Variants in PTCHD4 observed in about 807,000 individuals in gnomAD.
PTCHD4 encodes the protein patched domain containing 4.
Under a neutral mutation model 58.1 loss-of-function variants are expected in PTCHD4, and 33 were observed. The observed-to-expected ratio is 0.57, with a 90% confidence interval of 0.43 to 0.76. The LOEUF (loss-of-function observed/expected upper bound fraction) is 0.76, where lower values mean the gene tolerates loss of function less well. Ranked by LOEUF, PTCHD4 falls within the 30% of genes least tolerant of loss-of-function variation. The pLI, the probability that PTCHD4 is intolerant of heterozygous loss-of-function variation, is 0.00. For synonymous variants in PTCHD4, 478 were observed against 409.6 expected (o/e 1.17, Z -2.02); for missense variants, 1,058 against 1,027.1 (o/e 1.03, Z -0.41).
chr6:47,895,472 CACTG>C (rs1363852974), intron 4 of PTCHD4, among the ~76,000 whole-genome samples: 2 of 152,278 alleles, frequency 1.3e-5, no homozygotes, highest in African/African-American at 4.8e-5. Context: ...CTTTGATACT[CACTG>C]AGATTTCTCA....
At chr6:47,988,717 G>A (rs1028132894) in intron 4 of PTCHD4, among the ~76,000 whole-genome samples, 1 of 152,186 alleles carries the variant, frequency 6.6e-6, no homozygotes, top group Admixed American at 6.5e-5. Context: ...TGTGAAAAGT[G>A]CCTTTCATCT....
intron 3 of PTCHD4, among the ~76,000 whole-genome samples, chr6:48,024,365 C>T (rs897062352): frequency 6.6e-6 from 1 of 152,074 alleles, no homozygotes. Flanking sequence ...GTGTCTGTTC[C>T]AGTCCAGGAG....
At position 47,970,746 on chromosome 6, in the gene PTCHD4, T is replaced by C. The variant is rs534510510; in HGVS notation, c.898+37888A>G. ...GATGTATTCCCACTAGGCAGGAAATTGGATTGAGTTTTCTCTAGACAAATG... is the reference window on the plus strand; with the variant it reads ...GATGTATTCCCACTAGGCAGGAAATCGGATTGAGTTTTCTCTAGACAAATG... On this transcript the variant is annotated intron_variant, in intron 4 of 4. Transcript: ENST00000339488. 4.6e-5 allele frequency among the ~76,000 whole-genome samples: 7 copies of C among 152,262 alleles called. No individual in the cohort carries two copies. The East Asian group carries it at 1.3e-3, about 29-fold the overall frequency.
At chr6:48,073,888 G>A (rs1053693674) in intron 1 of PTCHD4, among the ~76,000 whole-genome samples, 2 of 152,130 alleles carry the variant, frequency 1.3e-5, no homozygotes, top group Admixed American at 6.5e-5. Context: ...CAAGGGAGAA[G>A]AGCAGATGAG....
rs1051656196 is a variant in PTCHD4 at position 47,864,629 on chromosome 6, T to C, written c.*13674A>G. On this transcript the variant is annotated 3_prime_UTR_variant, in exon 5 of 5. Transcript: ENST00000339488. ...CTGTGGCTCCAAGTTCCAACTCTTTTACATTTTCTCAAGTTGTTATCTGCT... is the reference window on the plus strand; with the variant it reads ...CTGTGGCTCCAAGTTCCAACTCTTTCACATTTTCTCAAGTTGTTATCTGCT... Among the ~76,000 whole-genome samples the C allele has an allele frequency of 2.6e-5, 4 of 151,918 alleles. No homozygotes were observed. Among genetic ancestry groups the C allele is most frequent in the Admixed American group, 1.3e-4 (2 of 15,234 alleles).
chr6:48,017,917 G>A (rs1384253008), intron 3 of PTCHD4, among the ~76,000 whole-genome samples: 1 of 152,144 alleles, frequency 6.6e-6, no homozygotes, highest in Admixed American at 6.6e-5. Context: ...ACTCAACACT[G>A]ACAAGATGTG....
At chr6:47,989,447 G>A (rs1768201100) in intron 4 of PTCHD4, among the ~76,000 whole-genome samples, 1 of 152,210 alleles carries the variant, frequency 6.6e-6, no homozygotes, top group South Asian at 2.1e-4. Flanking sequence ...AGCCTTTCCT[G>A]TCATAGGCCC....
chr6:47,894,700 A>G lies in PTCHD4; in HGVS notation c.899-14764T>C, dbSNP rs562393601. 3.3e-5 allele frequency among the ~76,000 whole-genome samples: 5 copies of G among 152,378 alleles called. No individual in the cohort carries two copies. The South Asian group carries it at 8.3e-4, about 25-fold the overall frequency. On this transcript the variant is annotated intron_variant, in intron 4 of 4. Coordinates refer to ENST00000339488, the MANE Select transcript of PTCHD4 (RefSeq NM_001384253.1). ...TCTAAGATTCATTCTTGAAGCTATC[A>G]GTAGAAATGAAGTCAATCATGATAA...
At chr6:47,890,202 T>C (rs1764333864) in intron 4 of PTCHD4, among the ~76,000 whole-genome samples, 1 of 151,516 alleles carries the variant, frequency 6.6e-6, no homozygotes, top group Non-Finnish European at 1.5e-5. Flanking sequence ...CCTAAATTTG[T>C]ATGTTTTTAT....
intron 4 of PTCHD4, among the ~76,000 whole-genome samples, chr6:47,932,334 A>G (rs1765850814): frequency 1.3e-5 from 2 of 152,216 alleles, no homozygotes; most frequent in Non-Finnish European, 2.9e-5. Context: ...AGGCTGACTC[A>G]AGTTCAGACA....
rs370199370 is a variant in PTCHD4 at position 48,018,011 on chromosome 6, G to T, written c.418-8897C>A. ...AGGCATTGAGAAGATTGAATGTGTGGATATATGATAAGTATTTAGAATAGT... is the reference window on the plus strand; with the variant it reads ...AGGCATTGAGAAGATTGAATGTGTGTATATATGATAAGTATTTAGAATAGT... On this transcript the variant is annotated intron_variant, in intron 3 of 4. Transcript: ENST00000339488. 1.3e-3 allele frequency among the ~76,000 whole-genome samples: 200 copies of T among 152,230 alleles called. 4 individuals carry two copies. The South Asian group carries it at 0.039, about 30-fold the overall frequency.
chr6:48,029,569 T>C (rs1763365270), intron 3 of PTCHD4, among the ~76,000 whole-genome samples: 1 of 152,130 alleles, frequency 6.6e-6, no homozygotes, highest in Non-Finnish European at 1.5e-5. Context: ...TTCCTTTTCT[T>C]TTAAGTTTCT....
At chr6:48,011,176 C>T (rs1029587186) in intron 3 of PTCHD4, among the ~76,000 whole-genome samples, 2 of 152,102 alleles carry the variant, frequency 1.3e-5, no homozygotes, top group Non-Finnish European at 1.5e-5. Context: ...AATGGTTGAA[C>T]TAATTTACAC....
chr6:48,044,045 C>G (rs1030478455), intron 3 of PTCHD4, among the ~76,000 whole-genome samples: 6 of 151,824 alleles, frequency 4.0e-5, no homozygotes, highest in East Asian at 1.9e-4. Context: ...ATTACAGGAC[C>G]CAGTGAAATT....
chr6:48,047,733 C>T (rs529548390), intron 3 of PTCHD4, among the ~76,000 whole-genome samples: 5 of 151,738 alleles, frequency 3.3e-5, no homozygotes, highest in African/African-American at 7.3e-5. Flanking sequence ...GGCTCCCTTG[C>T]CCCTTCTATC....
intron 4 of PTCHD4, among the ~76,000 whole-genome samples, chr6:47,989,938 T>A (rs145854628): frequency 0.014 from 2,065 of 152,180 alleles, 29 homozygotes; most frequent in Non-Finnish European, 0.021. Context: ...GCCACAGACA[T>A]TCAATGACAG....
At chr6:48,002,501 T>A (rs1562000193) in intron 4 of PTCHD4, among the ~76,000 whole-genome samples, 1 of 150,778 alleles carries the variant, frequency 6.6e-6, no homozygotes, top group Non-Finnish European at 1.5e-5. Context: ...CAGCAAACTA[T>A]CACAAGGACA....
chr6:47,956,640 A>G (rs1453765348), intron 4 of PTCHD4, among the ~76,000 whole-genome samples: 1 of 151,996 alleles, frequency 6.6e-6, no homozygotes, highest in Admixed American at 6.6e-5. Flanking sequence ...TCACCGTGTT[A>G]GTCAAGATGG....
At chr6:47,927,945 T>C (rs916277112) in intron 4 of PTCHD4, among the ~76,000 whole-genome samples, 15 of 152,012 alleles carry the variant, frequency 9.9e-5, no homozygotes, top group Non-Finnish European at 2.1e-4. Flanking sequence ...TTTGATCTCA[T>C]ATGCACCAAG....
Sources: gnomAD v4.1 joint callset for allele counts (sites outside exome capture counted in the v4.1 genomes callset) on GRCh38, gnomAD v4.1.1 for gene constraint, MANE v1.5 for transcripts, NCBI Gene and HGNC (gene_info 2026-07-23, HGNC 2026-07-21) for gene names.